The following FBLN5 variants were observed in gnomAD, a reference collection of about 807,000 sequenced individuals.
FBLN5 encodes the protein fibulin 5.
A neutral mutation model predicts 61.6 loss-of-function variants in FBLN5; 24 were observed. The observed-to-expected ratio is 0.39, with a 90% CI of 0.28 to 0.55. FBLN5 has a LOEUF of 0.55. Among genes scored for constraint, FBLN5 ranks in the 20% least tolerant of loss-of-function variants. The pLI is 0.65. For synonymous variants in FBLN5, 213 were observed against 219.8 expected (o/e 0.97, Z 0.27); for missense variants, 470 against 594.1 (o/e 0.79, Z 2.17).
intron 1 of FBLN5, among the ~76,000 whole-genome samples, chr14:91,946,160 T>C (rs2056180614): frequency 6.7e-6 from 1 of 150,364 alleles, no homozygotes; most frequent in South Asian, 2.2e-4. Flanking sequence ...CCCAGCCTCT[T>C]GGAAGAGCCA....
intron 4 of FBLN5, among the ~76,000 whole-genome samples, chr14:91,902,292 T>G (rs1300074667): frequency 6.6e-6 from 1 of 151,614 alleles, no homozygotes; most frequent in Non-Finnish European, 1.5e-5. Context: ...TTTTTTTTTT[T>G]TTTTTTTCAA....
chr14:91,897,292 G>C (rs549551923), intron 4 of FBLN5, among the ~76,000 whole-genome samples: 6 of 152,290 alleles, frequency 3.9e-5, no homozygotes, highest in Non-Finnish European at 7.4e-5. Flanking sequence ...GCCTCCCAGG[G>C]GAGCTGGTGA....
In FBLN5 at chr14:91,943,092, G is replaced by T. The variant is rs144081245; in HGVS notation, c.18-131C>A. On this transcript the variant is annotated intron_variant, in intron 1 of 10. Transcript: ENST00000342058. This position sits in a 1 kb window ranked among gnomAD's most constrained non-coding sequence, Gnocchi z 4.0. ...TTGTATGGGGTGGGGTGTGCTCCAG[G>T]GAGGTCATGGTGGTTCCAGACACCG... The T allele has an allele frequency of 5.2e-4, 376 of 720,168 alleles. 2 individuals are homozygous for T. The East Asian group carries it at 7.2e-3, about 14-fold the overall frequency. The allele number at this position is 720,168 out of a possible 1,614,324, so 44.6% of individuals were successfully genotyped here.
chr14:91,886,380 TG>T (rs781523113), intron 7 of FBLN5, among the ~76,000 whole-genome samples: 3 of 152,208 alleles, frequency 2.0e-5, no homozygotes, highest in Non-Finnish European at 4.4e-5. Context: ...GAGATAAATG[TG>T]AGTAAGAGGT....
chr14:91,937,258 GC>G, intron 3 of FBLN5, 57 bp from the exon 4 acceptor site: 2 of 1,609,172 alleles, frequency 1.2e-6, no homozygotes, highest in Non-Finnish European at 1.7e-6. Flanking sequence ...TGTGTCCGGT[GC>G]ATATTTAAGC....
At chr14:91,870,622 T>G (rs1888878596) in intron 10 of FBLN5, among the ~76,000 whole-genome samples, 1 of 152,246 alleles carries the variant, frequency 6.6e-6, no homozygotes. Flanking sequence ...CCAATCTAAG[T>G]CAGGTCCCCC....
chr14:91,930,770 C>T (rs2055908966), intron 4 of FBLN5, among the ~76,000 whole-genome samples: 1 of 152,170 alleles, frequency 6.6e-6, no homozygotes. Context: ...TTTTCTGTCT[C>T]ACAATTTAAA....
intron 4 of FBLN5, among the ~76,000 whole-genome samples, chr14:91,928,806 C>A (rs1238615806): frequency 6.6e-6 from 1 of 152,100 alleles, no homozygotes; most frequent in Non-Finnish European, 1.5e-5. Context: ...CACCTGTAAT[C>A]CCAGCACTTT....
Position 91,947,021 on chromosome 14 carries a change from A to G in FBLN5, c.17+192T>C. The G allele has an allele frequency of 6.6e-7, 1 of 1,521,978 alleles. No individual in the cohort carries two copies. 94.3% of individuals were successfully genotyped at this position (1,521,978 alleles called of 1,614,324 possible). Reference sequence around the variant, plus strand: ...CTGTATTAGAAAATACCCACTCCCAAAAGAACGCTTCAAGATGGAAATTAC... The same window carrying G: ...CTGTATTAGAAAATACCCACTCCCAGAAGAACGCTTCAAGATGGAAATTAC... On this transcript the variant is annotated intron_variant, in intron 1 of 10. Coordinates refer to ENST00000342058, the MANE Select transcript of FBLN5 (RefSeq NM_006329.4). The surrounding 1 kb of genome is among the most constrained non-coding windows in gnomAD (Gnocchi z 4.3).
intron 5 of FBLN5, among the ~76,000 whole-genome samples, chr14:91,892,315 T>C (rs539859089): frequency 1.3e-5 from 2 of 152,282 alleles, no homozygotes; most frequent in African/African-American, 4.8e-5. Flanking sequence ...TAGCTGGAAC[T>C]GGTCCTTATC....
intron 4 of FBLN5, among the ~76,000 whole-genome samples, chr14:91,900,260 A>G (rs990271012): frequency 4.6e-5 from 7 of 152,242 alleles, no homozygotes; most frequent in African/African-American, 1.7e-4. Context: ...ATAGGCAGTT[A>G]TAACAGACTT....
At chr14:91,924,044 AG>A (rs979404341) in intron 4 of FBLN5, among the ~76,000 whole-genome samples, 26 of 152,322 alleles carry the variant, frequency 1.7e-4, no homozygotes, top group African/African-American at 6.0e-4. Context: ...TGAACTCGCC[AG>A]GGGGTGATGA....
intron 4 of FBLN5, among the ~76,000 whole-genome samples, chr14:91,936,729 C>T (rs1401504689): frequency 6.6e-6 from 1 of 152,154 alleles, no homozygotes; most frequent in Non-Finnish European, 1.5e-5. Context: ...AATTGGTTTT[C>T]TGGAGAACTG....
Position 91,877,585 on chromosome 14 carries a change from C to A in FBLN5, c.1087G>T (p.Ala363Ser). 1 of 1,613,988 alleles carries A rather than the reference C, an allele frequency of 6.2e-7. No individual in the cohort carries two copies. Among genetic ancestry groups the A allele is most frequent in the Non-Finnish European group, 8.5e-7 (1 of 1,179,856 alleles). ...MDVVSGRSVPADIFQMQATTR... is the reference protein window; with the variant it reads ...MDVVSGRSVPSDIFQMQATTR... ...GTGGCTTGCATTTGGAAGATGTCAG[C>A]GGGAACGGAGCGTCCTGACACCACG... Residue 363 changes from alanine (A) to serine (S), a missense_variant, in exon 10 of 11, where the codon GCT becomes TCT. By Grantham distance (99) the Ala-to-Ser change is moderately conservative. Coordinates refer to ENST00000342058, the MANE Select transcript of FBLN5 (RefSeq NM_006329.4).
Position 91,882,693 on chromosome 14 carries a change from G to A in FBLN5, c.862+261C>T, listed in dbSNP as rs544881083. The stretch of plus-strand genomic sequence containing the variant: ...CAGAAAGCCACGCTTAGAGGCTGCC[G>A]TCTGCATCTGCAGAGTTCATTACAG... On this transcript the variant is annotated intron_variant, in intron 8 of 10. Transcript: ENST00000342058. This position sits in a 1 kb window ranked among gnomAD's most constrained non-coding sequence, Gnocchi z 4.9. Among the ~76,000 whole-genome samples the A allele has an allele frequency of 2.0e-5, 3 of 152,348 alleles. No homozygotes were observed. The highest frequency in any genetic ancestry group is 1.9e-4 in the East Asian group (1 of 5,186).
chr14:91,941,849 A>C (rs1334229685), intron 2 of FBLN5, among the ~76,000 whole-genome samples: 1 of 152,200 alleles, frequency 6.6e-6, no homozygotes, highest in Admixed American at 6.5e-5. Flanking sequence ...ACGTGCCTAA[A>C]GTGCAGTAAA....
chr14:91,915,232 T>A, intron 4 of FBLN5, among the ~76,000 whole-genome samples: 1 of 151,082 alleles, frequency 6.6e-6, no homozygotes. Flanking sequence ...AACTACAAAG[T>A]CAGCAAAGAT....
intron 9 of FBLN5, among the ~76,000 whole-genome samples, chr14:91,880,149 A>G (rs1415728383): frequency 6.6e-6 from 1 of 152,230 alleles, no homozygotes; most frequent in African/African-American, 2.4e-5. Context: ...CACCAACGAG[A>G]GAACTCTCCA....
intron 3 of FBLN5, among the ~76,000 whole-genome samples, chr14:91,938,865 A>G (rs190269699): frequency 3.3e-5 from 5 of 152,340 alleles, no homozygotes; most frequent in Admixed American, 3.3e-4. Context: ...TGCAGAATGC[A>G]ACAGCCTGTT....
Sources: allele counts gnomAD v4.1 joint callset (sites outside exome capture counted in the v4.1 genomes callset), GRCh38; gene constraint gnomAD v4.1.1; non-coding constraint Gnocchi (gnomAD v3.1); transcripts MANE v1.5; gene names NCBI Gene and HGNC (gene_info 2026-07-23, HGNC 2026-07-21).